Variants in ATP10A observed in about 807,000 individuals in gnomAD.
ATP10A encodes the protein phospholipid-transporting ATPase VA.
In ATP10A, 111 loss-of-function variants were observed where a neutral mutation model predicts 147.8. The observed-to-expected ratio is 0.75, with a 90% CI of 0.64 to 0.88. The LOEUF (loss-of-function observed/expected upper bound fraction) is 0.88. ATP10A is among the 40% of genes least tolerant of loss of function. The pLI is 0.00. For synonymous variants in ATP10A, 875 were observed against 841.6 expected, an observed-to-expected ratio of 1.04 and a Z score of -0.69; for missense variants, 1,927 against 1,959.0, an observed-to-expected ratio of 0.98 and a Z score of 0.31.
chr15:25,713,845 C>A lies in ATP10A; in HGVS notation c.2173G>T (p.Glu725Ter), dbSNP rs1345468209. The A allele has an allele frequency of 5.6e-6, 9 of 1,613,846 alleles. No homozygotes were observed. Among genetic ancestry groups the A allele is most frequent in the African/African-American group, 2.7e-5 (2 of 74,946 alleles). The stretch of plus-strand genomic sequence containing the variant: ...GTGAGCCTGCCCAGGTGGGGCAGCT[C>A]CACTGACACTTGGTCGTGCAGCCGC... Reference protein sequence around the residue: ...VERLHDQVSVELPHLGRLTFE... With the variant: ...VERLHDQVSV Residue 725 changes from glutamate to a stop codon, truncating the protein, a stop_gained, in exon 10 of 21, where the codon GAG becomes TAG. Transcript: ENST00000555815. LOFTEE classifies it high-confidence loss of function.
intron 13 of ATP10A, among the ~76,000 whole-genome samples, chr15:25,696,857 G>A (rs1403324490): frequency 4.6e-5 from 7 of 152,180 alleles, no homozygotes; most frequent in African/African-American, 1.7e-4. Flanking sequence ...TTCTGCTACC[G>A]TGGCTATGCA....
chr15:25,849,396 C>T (rs563450265), intron 1 of ATP10A, among the ~76,000 whole-genome samples: 3 of 152,294 alleles, frequency 2.0e-5, no homozygotes, highest in South Asian at 2.1e-4. Flanking sequence ...AAAAAGACAT[C>T]CTTAGTACAG....
intron 1 of ATP10A, among the ~76,000 whole-genome samples, chr15:25,840,942 C>G (rs907706989): frequency 6.6e-6 from 1 of 152,142 alleles, no homozygotes; most frequent in African/African-American, 2.4e-5. Context: ...ATCTGCATAC[C>G]TTCTTCAGTG....
chr15:25,681,302 G>A (rs557931073), intron 17 of ATP10A, among the ~76,000 whole-genome samples: 43 of 152,242 alleles, frequency 2.8e-4, no homozygotes, highest in Admixed American at 9.2e-4. Context: ...AAGGACATGT[G>A]CCCAGCAACT....
intron 10 of ATP10A, among the ~76,000 whole-genome samples, chr15:25,712,420 C>A (rs553755658): frequency 1.3e-5 from 2 of 152,310 alleles, no homozygotes; most frequent in South Asian, 4.1e-4. Flanking sequence ...GCTGGGCAGC[C>A]CCCACATGCC....
intron 1 of ATP10A, among the ~76,000 whole-genome samples, chr15:25,826,971 C>T (rs1255629629): frequency 6.6e-6 from 1 of 152,072 alleles, no homozygotes; most frequent in African/African-American, 2.4e-5. Context: ...AAGCCCAAAA[C>T]CCTACATTCG....
chr15:25,753,747 TATATATC>T (rs1351164720), intron 2 of ATP10A, among the ~76,000 whole-genome samples: 1 of 148,684 alleles, frequency 6.7e-6, no homozygotes, highest in Non-Finnish European at 1.5e-5. Flanking sequence ...ATATATGTTA[TATATATC>T]ATATATAGTT....
intron 10 of ATP10A, 143 bp downstream of exon 10, chr15:25,713,531 G>A (rs1485355474): frequency 1.1e-6 from 1 of 917,094 alleles, no homozygotes; most frequent in Admixed American, 2.6e-5. Context: ...CTGATCTGAA[G>A]AAACCATGCA....
chr15:25,784,498 G>A (rs902548073), intron 1 of ATP10A, among the ~76,000 whole-genome samples: 2 of 152,222 alleles, frequency 1.3e-5, no homozygotes, highest in Non-Finnish European at 2.9e-5. Context: ...GGGCTCTGAA[G>A]GAGATTCCCC....
In ATP10A at chr15:25,716,718, T is replaced by C; in HGVS notation, c.1776+12A>G. The C allele has an allele frequency of 6.4e-7, 1 of 1,563,676 alleles. No homozygotes were observed. ...AGGTCAAGGTCAAGCTCAGGGACCC[T>C]CCAGAACTTGCCTTTGTTCGTGGCT... On this transcript the variant is annotated intron_variant, in intron 9 of 20. Transcript: ENST00000555815.
At chr15:25,808,099 C>G (rs1242017462) in intron 1 of ATP10A, among the ~76,000 whole-genome samples, 1 of 152,208 alleles carries the variant, frequency 6.6e-6, no homozygotes, top group South Asian at 2.1e-4. Flanking sequence ...TCATGCTGGA[C>G]GTAATAAACG....
At chr15:25,823,453 C>A (rs567565780) in intron 1 of ATP10A, among the ~76,000 whole-genome samples, 120 of 152,274 alleles carry the variant, frequency 7.9e-4, no homozygotes, top group African/African-American at 2.8e-3. Context: ...CAACTGAAAA[C>A]TTGAGGACGT....
intron 1 of ATP10A, among the ~76,000 whole-genome samples, chr15:25,856,025 T>A (rs1893500829): frequency 6.6e-6 from 1 of 152,208 alleles, no homozygotes; most frequent in African/African-American, 2.4e-5. Flanking sequence ...AGAAGGTGGG[T>A]AAGGGGTATG....
chr15:25,725,882 T>G lies in ATP10A; in HGVS notation c.979+69A>C. 5.3e-6 allele frequency: 8 copies of G among 1,517,338 alleles called. No homozygotes were observed. The South Asian group carries it at 8.9e-5, about 17-fold the overall frequency. 94.0% of individuals were successfully genotyped at this position (1,517,338 alleles called of 1,614,324 possible). On this transcript the variant is annotated intron_variant, in intron 5 of 20. Transcript: ENST00000555815. Reference sequence around the variant, plus strand: ...ATCTGCCCGCCTCGGCCTCCCAAAGTGCTAGGATTACGGGCACGAGCCACT... The same window carrying G: ...ATCTGCCCGCCTCGGCCTCCCAAAGGGCTAGGATTACGGGCACGAGCCACT...
intron 2 of ATP10A, among the ~76,000 whole-genome samples, chr15:25,749,569 T>A (rs1415260082): frequency 6.6e-6 from 1 of 152,190 alleles, no homozygotes; most frequent in African/African-American, 2.4e-5. Flanking sequence ...AACTCAAGAA[T>A]ATTTATAGTC....
intron 1 of ATP10A, among the ~76,000 whole-genome samples, chr15:25,797,283 C>G (rs190757432): frequency 8.3e-4 from 126 of 152,302 alleles, no homozygotes; most frequent in African/African-American, 2.9e-3. Context: ...TGTGCTGTTG[C>G]AAGTTCTAGT....
At chr15:25,779,079 G>A (rs1275214840) in intron 2 of ATP10A, among the ~76,000 whole-genome samples, 1 of 152,008 alleles carries the variant, frequency 6.6e-6, no homozygotes, top group Admixed American at 6.6e-5. Flanking sequence ...GTTTCACCAT[G>A]TTGGCCAGGA....
chr15:25,679,374 T>G lies in ATP10A; in HGVS notation c.4467A>C (p.Leu1489=). The part of the protein sequence containing the change: ...RSGLQGPDHR[L]LIGASSRRSQ The stretch of plus-strand genomic sequence containing the variant: ...ACCGCCTTGAAGATGCTCCTATAAG[T>G]AGTCTGTGGTCTGGCCCTTGAAGTC... Residue 1489 remains leucine, a synonymous_variant, in exon 21 of 21, where the codon CTA becomes CTC. Coordinates refer to ENST00000555815, the MANE Select transcript of ATP10A (RefSeq NM_024490.4). 6.3e-7 allele frequency: 1 copy of G among 1,596,442 alleles called. No individual in the cohort carries two copies. The highest frequency in any genetic ancestry group is 2.3e-5 in the East Asian group (1 of 44,410).
At chr15:25,712,757 T>C (rs1326949628) in intron 10 of ATP10A, among the ~76,000 whole-genome samples, 1 of 152,104 alleles carries the variant, frequency 6.6e-6, no homozygotes, top group Non-Finnish European at 1.5e-5. Flanking sequence ...TCATCCAAAC[T>C]CCTCTCAGAG....
Sources: gnomAD v4.1 joint callset for allele counts (sites outside exome capture counted in the v4.1 genomes callset) on GRCh38, gnomAD v4.1.1 for gene constraint, MANE v1.5 for transcripts, NCBI Gene and HGNC (gene_info 2026-07-23, HGNC 2026-07-21) for gene names.